Variants in ALMS1 observed in about 807,000 individuals in gnomAD.
ALMS1 encodes the protein centrosome-associated protein ALMS1.
ALMS1 carries 271 observed loss-of-function variants against 352.2 expected under a neutral mutation model. The ratio of observed to expected loss-of-function variants is 0.77; its 90% CI spans 0.70 to 0.85. The LOEUF (loss-of-function observed/expected upper bound fraction) is 0.85. Among genes scored for constraint, ALMS1 ranks in the 40% least tolerant of loss-of-function variants. The pLI is 0.00. For synonymous variants in ALMS1, 1,865 were observed against 1,761.2 expected (o/e 1.06, Z -1.48); for missense variants, 5,445 against 4,870.7 (o/e 1.12, Z -3.51).
intron 15 of ALMS1, among the ~76,000 whole-genome samples, chr2:73,564,127 A>G (rs1003074772): frequency 2.0e-5 from 3 of 151,996 alleles, no homozygotes; most frequent in African/African-American, 7.2e-5. Context: ...AAAAGACCAT[A>G]GAAAATTTTT....
At chr2:73,494,258 CT>C (rs1673057616) in intron 10 of ALMS1, among the ~76,000 whole-genome samples, 1 of 152,152 alleles carries the variant, frequency 6.6e-6, no homozygotes, top group Non-Finnish European at 1.5e-5. Flanking sequence ...GAGTCACTGT[CT>C]AAAGCTCTCA....
At chr2:73,528,494 A>G (rs905878443) in intron 11 of ALMS1, among the ~76,000 whole-genome samples, 1 of 152,074 alleles carries the variant, frequency 6.6e-6, no homozygotes, top group African/African-American at 2.4e-5. Flanking sequence ...GTCTGTTTTT[A>G]TAATTTTTGT....
Position 73,485,710 on chromosome 2 carries a change from G to A in ALMS1, c.7675-3924G>A, listed in dbSNP as rs191148876. Among the ~76,000 whole-genome samples, 823 of 151,376 alleles carry A rather than the reference G, an allele frequency of 5.4e-3. 10 individuals are homozygous for A. Among genetic ancestry groups the A allele is most frequent in the African/African-American group, 0.018 (736 of 41,306 alleles). On this transcript the variant is annotated intron_variant, in intron 9 of 22. Coordinates refer to ENST00000613296, the MANE Select transcript of ALMS1 (RefSeq NM_001378454.1). ...TTGCAGTTTGATCTCAGACTGCTGT[G>A]CTAGCAATCAGCGAGACTCCGTGGG...
At chr2:73,473,817 T>C (rs1558660128) in intron 9 of ALMS1, among the ~76,000 whole-genome samples, 1 of 151,906 alleles carries the variant, frequency 6.6e-6, no homozygotes, top group Non-Finnish European at 1.5e-5. Context: ...GTCAGATGAT[T>C]TATTTATTCG....
rs536296688 is a variant in ALMS1 at position 73,522,745 on chromosome 2, G to A, written c.9781+2729G>A. 2.0e-5 allele frequency among the ~76,000 whole-genome samples: 3 copies of A among 152,244 alleles called. No individual in the cohort carries two copies. In the East Asian group the frequency reaches 5.8e-4, roughly 29 times the overall value. On this transcript the variant is annotated intron_variant, in intron 11 of 22. Coordinates refer to ENST00000613296, the MANE Select transcript of ALMS1 (RefSeq NM_001378454.1). Reference sequence around the variant, plus strand: ...GCCTCCCAAAGTGTTGGGATTACAGGCGTGAGCCACTGCGCCTGGCCAAGG... The same window carrying A: ...GCCTCCCAAAGTGTTGGGATTACAGACGTGAGCCACTGCGCCTGGCCAAGG...
At chr2:73,525,350 A>G (rs1040815957) in intron 11 of ALMS1, among the ~76,000 whole-genome samples, 1 of 152,198 alleles carries the variant, frequency 6.6e-6, no homozygotes, top group South Asian at 2.1e-4. Context: ...GAATCTACAA[A>G]CTAACTGTTC....
chr2:73,485,371 C>T (rs974789587), intron 9 of ALMS1, among the ~76,000 whole-genome samples: 3 of 152,202 alleles, frequency 2.0e-5, no homozygotes, highest in East Asian at 3.9e-4. Context: ...GGAGGTGCCT[C>T]CCTGTTAGGC....
intron 1 of ALMS1, among the ~76,000 whole-genome samples, chr2:73,400,190 C>T (rs936667137): frequency 2.2e-4 from 33 of 152,104 alleles, no homozygotes; most frequent in Non-Finnish European, 4.3e-4. Context: ...AAGTGATCTG[C>T]TCACCTTGGC....
Position 73,450,546 on chromosome 2 carries a change from C to G in ALMS1, c.4019C>G (p.Pro1340Arg), listed in dbSNP as rs1671910916. Residue 1340 changes from proline (P) to arginine (R), a missense_variant, in exon 8 of 23, where the codon CCT (proline) becomes CGT (arginine). Transcript: ENST00000613296. The stretch of plus-strand genomic sequence containing the variant: ...ACTTTCTACTCACACACAGAGAAGC[C>G]TGGTGTTTTCTACCAACAGGTCTTG... ...PSTFYSHTEK[P>R]GVFYQQVLPH... 1 of 1,612,510 alleles carries G rather than the reference C, an allele frequency of 6.2e-7. No individual in the cohort carries two copies. Among genetic ancestry groups the G allele is most frequent in the Non-Finnish European group, 8.5e-7 (1 of 1,179,770 alleles).
At chr2:73,539,538 G>C (rs968617784) in intron 12 of ALMS1, among the ~76,000 whole-genome samples, 1 of 152,188 alleles carries the variant, frequency 6.6e-6, no homozygotes, top group African/African-American at 2.4e-5. Flanking sequence ...TGACTTTGAC[G>C]AGTTGAGAGA....
In ALMS1 at chr2:73,573,261, G is replaced by A; in HGVS notation, c.11384G>A (p.Gly3795Asp). The A allele has an allele frequency of 6.2e-7, 1 of 1,613,854 alleles. No homozygotes were observed. Among genetic ancestry groups the A allele is most frequent in the Non-Finnish European group, 8.5e-7 (1 of 1,179,840 alleles). Residue 3795 changes from glycine to aspartate, a missense_variant, in exon 16 of 23, where the codon GGC becomes GAC. Coordinates refer to ENST00000613296, the MANE Select transcript of ALMS1 (RefSeq NM_001378454.1). Reference protein sequence around the residue: ...IDTARLIQAFGHERVCLSPRR... With the variant: ...IDTARLIQAFDHERVCLSPRR... ...ACTGCCCGGCTGATTCAAGCTTTTG[G>A]CCATGAAAGAGTATGCTTGTCACCC... is the stretch of plus-strand genomic sequence containing the variant.
At position 73,453,303 on chromosome 2, in the gene ALMS1, T is replaced by C. The variant is rs768229118; in HGVS notation, c.6776T>C (p.Leu2259Pro). 3 of 1,613,884 alleles carry C rather than the reference T, an allele frequency of 1.9e-6. No individual in the cohort carries two copies. In the East Asian group the frequency reaches 6.7e-5, roughly 36 times the overall value. ...GATGCAGAAAATAGTGCTAAAACTC[T>C]TAAGGAAATTCGGACACTTTTGATG... ...IQDAENSAKT[L>P]KEIRTLLMEA... The change falls in exon 8 of 23, where the codon CTT becomes CCT. Residue 2259 changes from leucine (L) to proline (P), a missense_variant. Physicochemically the swap from Leu to Pro is moderately conservative, Grantham distance 98 (BLOSUM62 -3). Coordinates refer to ENST00000613296, the MANE Select transcript of ALMS1 (RefSeq NM_001378454.1).
At position 73,426,570 on chromosome 2, in the gene ALMS1, T is replaced by C; in HGVS notation, c.1338+17T>C. 6.2e-7 allele frequency: 1 copy of C among 1,610,808 alleles called. No individual in the cohort carries two copies. Among genetic ancestry groups the C allele is most frequent in the Non-Finnish European group, 8.5e-7 (1 of 1,177,010 alleles). On this transcript the variant is annotated intron_variant, in intron 6 of 22. Coordinates refer to ENST00000613296, the MANE Select transcript of ALMS1 (RefSeq NM_001378454.1). Reference sequence around the variant, plus strand: ...CAAAGAAAGGTGAGACACAATAAAATGATAGTTGTAAGAAACGTGGCCTTT... The same window carrying C: ...CAAAGAAAGGTGAGACACAATAAAACGATAGTTGTAAGAAACGTGGCCTTT...
chr2:73,523,109 A>G (rs1673719072), intron 11 of ALMS1, among the ~76,000 whole-genome samples: 1 of 152,206 alleles, frequency 6.6e-6, no homozygotes, highest in African/African-American at 2.4e-5. Flanking sequence ...AAATGCATGC[A>G]TTCTATCTGG....
Position 73,490,762 on chromosome 2 carries a change from G to T in ALMS1, c.8803G>T (p.Ala2935Ser). ...EQRELFEQCK[A>S]PYVDHQMREN... is the part of the protein sequence containing the mutation. ...ACGAGAACTCTTTGAACAGTGCAAA[G>T]CCCCATATGTAGATCATCAAATGAG... The change falls in exon 10 of 23, where the codon GCC (alanine) becomes TCC (serine). Residue 2935 changes from alanine (A) to serine (S), a missense_variant. Ala to Ser is a moderately conservative substitution (Grantham distance 99). Transcript: ENST00000613296. 1 of 1,614,060 alleles carries T rather than the reference G, an allele frequency of 6.2e-7. No homozygotes were observed.
chr2:73,608,661 A>G, intron 22 of ALMS1, 87 bp downstream of exon 22: 1 of 1,067,446 alleles, frequency 9.4e-7, no homozygotes, highest in South Asian at 1.3e-5. Context: ...GTTGAGTGTG[A>G]AGTCAGAATG....
chr2:73,454,329 T>C (rs1283784483), intron 8 of ALMS1: 1 of 985,178 alleles, frequency 1.0e-6, no homozygotes, highest in East Asian at 1.1e-4. Context: ...TGAGTTTACG[T>C]TCTTGTTCTT....
At chr2:73,387,511 C>T (rs1429633048) in intron 1 of ALMS1, among the ~76,000 whole-genome samples, 1 of 151,614 alleles carries the variant, frequency 6.6e-6, no homozygotes, top group Non-Finnish European at 1.5e-5. Context: ...AGGGAAAGAG[C>T]CGTCTAGCTG....
chr2:73,449,020 C>G lies in ALMS1; in HGVS notation c.2493C>G (p.Pro831=). The G allele has an allele frequency of 1.9e-6, 3 of 1,613,414 alleles. No individual in the cohort carries two copies. The South Asian group carries it at 3.3e-5, about 18-fold the overall frequency. Residue 831 remains proline, a synonymous_variant, in exon 8 of 23, where the codon CCC becomes CCG. Transcript: ENST00000613296. ...AGGCCTTGCTGGACAGCCATCTACC[C>G]GAAGAGGCTCTGAAAGTTTCAGCTG... ...YQQALLDSHL[P]EEALKVSAVS...
Sources: allele counts gnomAD v4.1 joint callset (sites outside exome capture counted in the v4.1 genomes callset), GRCh38; gene constraint gnomAD v4.1.1; transcripts MANE v1.5; gene names NCBI Gene and HGNC (gene_info 2026-07-23, HGNC 2026-07-21).